CCSAP: variants seen among roughly 807,000 people sequenced by gnomAD.
CCSAP encodes the protein centriole, cilia and spindle-associated protein.
Under a neutral mutation model 25.9 loss-of-function variants are expected in CCSAP, and 17 were observed. The observed-to-expected ratio is 0.66, with a 90% CI of 0.45 to 0.99. The LOEUF (loss-of-function observed/expected upper bound fraction) is 0.99, where lower values mean the gene tolerates loss of function less well. Ranked by LOEUF, CCSAP falls within the 50% of genes least tolerant of loss-of-function variation. The pLI, the probability that CCSAP is intolerant of heterozygous loss-of-function variation, is 0.00. For missense variants in CCSAP, 339 were observed against 367.8 expected (o/e 0.92, Z 0.64); for synonymous variants, 169 against 157.1 (o/e 1.08, Z -0.57).
chr1:229,340,809 G>A (rs895841890), intron 2 of CCSAP, among the ~76,000 whole-genome samples: 1 of 152,204 alleles, frequency 6.6e-6, no homozygotes, highest in Non-Finnish European at 1.5e-5. Context: ...GAGAAGCCAG[G>A]AAGAGTCTGA....
At chr1:229,330,184 C>A (rs1658034694) in intron 2 of CCSAP, among the ~76,000 whole-genome samples, 1 of 152,180 alleles carries the variant, frequency 6.6e-6, no homozygotes, top group South Asian at 2.1e-4. Context: ...TGTGGGCGCT[C>A]GGTTCTGTGG....
chr1:229,333,242 G>C (rs35194407), intron 2 of CCSAP, among the ~76,000 whole-genome samples: 23,550 of 151,660 alleles, frequency 0.16, 1,882 homozygotes, highest in African/African-American at 0.19. Flanking sequence ...ACCATCCTGG[G>C]TAACACGGTG....
chr1:229,326,681 A>G (rs1657947214), intron 3 of CCSAP, 57 bp downstream of exon 3: 10 of 1,593,946 alleles, frequency 6.3e-6, no homozygotes, highest in South Asian at 2.2e-5. Flanking sequence ...TGACAGGCGC[A>G]TGGCCCAGCT....
Position 229,326,917 on chromosome 1 carries a change from G to C in CCSAP, c.457C>G (p.Gln153Glu), listed in dbSNP as rs1193797828. The C allele has an allele frequency of 6.2e-7, 1 of 1,614,116 alleles. No individual in the cohort carries two copies. The highest frequency in any genetic ancestry group is 8.5e-7 in the Non-Finnish European group (1 of 1,180,048). The change falls in exon 3 of 4, where the codon CAG becomes GAG. Residue 153 changes from glutamine to glutamate, a missense_variant. Gln to Glu is a conservative substitution (Grantham distance 29). Transcript: ENST00000284617. ...CTAGCAAATAAGGCACTTGGTTGCT[G>C]TCGAGGCTCAGTACTGGTGGGTGAT... ...DKSPTSTEPRQQPSALFARGN... is the reference protein window; with the variant it reads ...DKSPTSTEPREQPSALFARGN...
chr1:229,323,254 C>G lies in CCSAP; in HGVS notation c.*1981G>C, dbSNP rs1164104076. 6.6e-6 allele frequency: 1 copy of G among 152,182 alleles called. No homozygotes were observed. Among genetic ancestry groups the G allele is most frequent in the Non-Finnish European group, 1.5e-5 (1 of 68,032 alleles). The allele number at this position is 152,182 out of a possible 1,614,324, so 9.4% of individuals were successfully genotyped here. ...TTTGCCTTCTACATTATATCTCTGT[C>G]TGGAGTTTTAAGTAGTAAGTACATT... is the stretch of plus-strand genomic sequence containing the variant. On this transcript the variant is annotated 3_prime_UTR_variant, in exon 4 of 4. Coordinates refer to ENST00000284617, the MANE Select transcript of CCSAP (RefSeq NM_145257.5).
intron 3 of CCSAP, 76 bp from the exon 4 acceptor site, chr1:229,325,487 C>T (rs1249785237): frequency 5.6e-5 from 78 of 1,398,998 alleles, no homozygotes; most frequent in Non-Finnish European, 6.8e-5. Context: ...TGCAATGAAG[C>T]TGGCTACTGC....
chr1:229,322,842 AAG>A lies in CCSAP; in HGVS notation c.*2391_*2392del, dbSNP rs1375924762. 6 of 152,370 alleles carry A rather than the reference AAG, an allele frequency of 3.9e-5. No homozygotes were observed. The highest frequency in any genetic ancestry group is 1.9e-4 in the East Asian group (1 of 5,194). 9.4% of individuals were successfully genotyped at this position (152,370 alleles called of 1,614,324 possible). A position where few individuals can be genotyped will look rare whatever the true frequency, so the allele number is the denominator to read the frequency against. On this transcript the variant is annotated 3_prime_UTR_variant, in exon 4 of 4. Transcript: ENST00000284617. Reference sequence around the variant, plus strand: ...ATTAAGTTAAAATCAAAATTTTAAAAAGAGTTTTATGTAGCATTTATTTTAAA... The same window carrying A: ...ATTAAGTTAAAATCAAAATTTTAAAAAGTTTTATGTAGCATTTATTTTAAA...
intron 2 of CCSAP, among the ~76,000 whole-genome samples, chr1:229,341,387 C>T (rs1658329660): frequency 2.6e-5 from 4 of 152,168 alleles, no homozygotes; most frequent in Admixed American, 2.6e-4. Context: ...CCAGGCTGTA[C>T]TGAGGCGTTC....
intron 2 of CCSAP, chr1:229,340,454 A>G (rs1658305188): frequency 1.4e-6 from 1 of 715,734 alleles, no homozygotes; most frequent in South Asian, 1.5e-5. Flanking sequence ...TAAAAATTGT[A>G]TTTATATTGC....
intron 2 of CCSAP, among the ~76,000 whole-genome samples, chr1:229,331,254 G>A (rs752845116): frequency 3.3e-5 from 5 of 152,084 alleles, no homozygotes; most frequent in Admixed American, 6.5e-5. Flanking sequence ...AAGGGGGACC[G>A]GGAGAAGCAA....
At chr1:229,339,587 AGCCAAGAAAGGTCCTAGGAGGATG>A (rs1658282481) in intron 2 of CCSAP, among the ~76,000 whole-genome samples, 1 of 152,174 alleles carries the variant, frequency 6.6e-6, no homozygotes, top group Non-Finnish European at 1.5e-5. Flanking sequence ...CCAAGAGAGA[AGCCAAGAAAGGTCCTAGGAGGATG>A]GCCAAGGGCC....
chr1:229,340,472 T>C (rs1658305894), intron 2 of CCSAP: 1 of 713,930 alleles, frequency 1.4e-6, no homozygotes, highest in Non-Finnish European at 2.6e-6. Context: ...TGCATGCAAA[T>C]ATTTGACAAC....
In CCSAP at chr1:229,325,313, C is replaced by A; in HGVS notation, c.735G>T (p.Lys245Asn). ...AGGAGGAAGCCTTCATCTTTCTGTT[C>A]TTCTCCACATCCACAGAGTGAGCTC... The part of the protein sequence containing the change: ...RQRAHSVDVE[K>N]NRKMKASSSE... Residue 245 changes from lysine (K) to asparagine (N), a missense_variant, in exon 4 of 4, where the codon AAG becomes AAT. Transcript: ENST00000284617. 1 of 1,614,174 alleles carries A rather than the reference C, an allele frequency of 6.2e-7. No homozygotes were observed. The highest frequency in any genetic ancestry group is 1.7e-5 in the Admixed American group (1 of 60,012).
At chr1:229,328,774 G>T (rs1658003431) in intron 2 of CCSAP, among the ~76,000 whole-genome samples, 1 of 152,240 alleles carries the variant, frequency 6.6e-6, no homozygotes, top group Admixed American at 6.5e-5. Context: ...GCACATACTT[G>T]TAAGAAACCT....
At chr1:229,336,969 G>T (rs1045320254) in intron 2 of CCSAP, among the ~76,000 whole-genome samples, 1 of 152,018 alleles carries the variant, frequency 6.6e-6, no homozygotes, top group Admixed American at 6.6e-5. Flanking sequence ...CCAGAAAATA[G>T]AACCAAAAAG....
At chr1:229,334,072 G>T (rs1658142103) in intron 2 of CCSAP, among the ~76,000 whole-genome samples, 2 of 150,694 alleles carry the variant, frequency 1.3e-5, no homozygotes, top group African/African-American at 4.8e-5. Context: ...AGGTTTTTTT[G>T]TTTGTTTGTT....
At position 229,337,678 on chromosome 1, in the gene CCSAP, A is replaced by AAAAAAAAAAT; in HGVS notation, c.367+4420_367+4421insATTTTTTTTT. Reference sequence around the variant, plus strand: ...GAACAAGATCAAAGGCTCAAAAAAAAATATATATATATATATATATACACA... The same window carrying AAAAAAAAAAT: ...GAACAAGATCAAAGGCTCAAAAAAAAAAAAAAAAATATATATATATATATATATATACACA... On this transcript the variant is annotated intron_variant, in intron 2 of 3. Coordinates refer to ENST00000284617, the MANE Select transcript of CCSAP (RefSeq NM_145257.5). Among the ~76,000 whole-genome samples, 29 of 65,506 alleles carry AAAAAAAAAAT rather than the reference A, an allele frequency of 4.4e-4. 1 individual carries two copies. Among genetic ancestry groups the AAAAAAAAAAT allele is most frequent in the African/African-American group, 1.4e-3 (23 of 16,638 alleles). 43.0% of individuals were successfully genotyped at this position (65,506 alleles called of 152,430 possible).
At chr1:229,326,464 TC>T (rs1298095993) in intron 3 of CCSAP, among the ~76,000 whole-genome samples, 4 of 152,182 alleles carry the variant, frequency 2.6e-5, no homozygotes, top group African/African-American at 9.7e-5. Context: ...GAACCCCAAC[TC>T]CATCTACATC....
rs1372867194 is a variant in CCSAP at position 229,338,282 on chromosome 1, T to C, written c.367+3817A>G. Among the ~76,000 whole-genome samples, 3 of 152,188 alleles carry C rather than the reference T, an allele frequency of 2.0e-5. No homozygotes were observed. The East Asian group carries it at 5.8e-4, about 29-fold the overall frequency. On this transcript the variant is annotated intron_variant, in intron 2 of 3. Transcript: ENST00000284617. ...TAAATAAAAAGAGGGTGGCCAATGCTGAAAGGAAAGCGAAACTGAGTGAAA... is the reference window on the plus strand; with the variant it reads ...TAAATAAAAAGAGGGTGGCCAATGCCGAAAGGAAAGCGAAACTGAGTGAAA...
Sources: gnomAD v4.1 joint callset for allele counts (sites outside exome capture counted in the v4.1 genomes callset) on GRCh38, gnomAD v4.1.1 for gene constraint, MANE v1.5 for transcripts, NCBI Gene and HGNC (gene_info 2026-07-23, HGNC 2026-07-21) for gene names.